SCFD2: variants seen among roughly 807,000 people sequenced by gnomAD.
SCFD2 encodes sec1 family domain containing 2.
In SCFD2, 54 loss-of-function variants were observed where a neutral mutation model predicts 58.9. The observed-to-expected ratio is 0.92, with a 90% CI of 0.74 to 1.15. The LOEUF (loss-of-function observed/expected upper bound fraction) is 1.15. SCFD2 is among the 50% of genes most tolerant of loss of function. SCFD2 has a pLI of 0.00. For synonymous variants in SCFD2, 321 were observed against 335.9 expected (o/e 0.96, Z 0.49); for missense variants, 805 against 836.6 (o/e 0.96, Z 0.47).
intron 2 of SCFD2, among the ~76,000 whole-genome samples, chr4:53,322,399 CT>C (rs1195373156): frequency 1.3e-5 from 2 of 152,130 alleles, no homozygotes; most frequent in African/African-American, 4.8e-5. Flanking sequence ...GAAAGTTACC[CT>C]ATATGGTCTA....
intron 4 of SCFD2, among the ~76,000 whole-genome samples, chr4:53,261,134 G>A (rs969626575): frequency 7.3e-5 from 11 of 151,718 alleles, no homozygotes; most frequent in African/African-American, 1.7e-4. Context: ...GGTTAATGTC[G>A]CTAATATTCT....
chr4:52,948,023 C>T (rs1720485623), intron 5 of SCFD2, among the ~76,000 whole-genome samples: 1 of 111,298 alleles, frequency 9.0e-6, no homozygotes, highest in South Asian at 2.9e-4. Flanking sequence ...ATGTGAATCA[C>T]AAAAAATCAC....
intron 2 of SCFD2, among the ~76,000 whole-genome samples, chr4:53,336,088 G>C (rs1466657187): frequency 3.9e-5 from 6 of 152,162 alleles, no homozygotes; most frequent in African/African-American, 1.4e-4. Context: ...AAAGCCCTTA[G>C]AGACTCTTAC....
chr4:52,906,916 A>G (rs1275382200), intron 7 of SCFD2, among the ~76,000 whole-genome samples: 1 of 152,136 alleles, frequency 6.6e-6, no homozygotes, highest in South Asian at 2.1e-4. Flanking sequence ...TCCTCCTTTC[A>G]TCCCCACTTC....
intron 4 of SCFD2, among the ~76,000 whole-genome samples, chr4:53,216,065 T>C (rs1577852716): frequency 1.3e-5 from 2 of 152,320 alleles, no homozygotes; most frequent in East Asian, 3.9e-4. Context: ...TTATTGAGGA[T>C]TTTTGCATCA....
chr4:53,245,256 T>C (rs1380739826), intron 4 of SCFD2, among the ~76,000 whole-genome samples: 1 of 151,882 alleles, frequency 6.6e-6, no homozygotes, highest in Non-Finnish European at 1.5e-5. Context: ...TCTCAGTCCA[T>C]GAGGCCCGAA....
chr4:53,157,919 A>C (rs1378659840), intron 4 of SCFD2, among the ~76,000 whole-genome samples: 1 of 152,224 alleles, frequency 6.6e-6, no homozygotes, highest in African/African-American at 2.4e-5. Flanking sequence ...CCTGGATCAG[A>C]GCTTCTCAAA....
chr4:53,202,975 G>A (rs1034247743), intron 4 of SCFD2, among the ~76,000 whole-genome samples: 12 of 152,194 alleles, frequency 7.9e-5, no homozygotes, highest in Non-Finnish European at 1.6e-4. Context: ...TCTGCAAACA[G>A]GGGCAATTTG....
intron 5 of SCFD2, among the ~76,000 whole-genome samples, chr4:52,973,274 A>G (rs1721158744): frequency 6.6e-6 from 1 of 152,206 alleles, no homozygotes; most frequent in South Asian, 2.1e-4. Context: ...ACCGCTAGCA[A>G]TACTAATAAA....
At chr4:53,025,386 C>T (rs1396021600) in intron 5 of SCFD2, among the ~76,000 whole-genome samples, 1 of 151,988 alleles carries the variant, frequency 6.6e-6, no homozygotes, top group Non-Finnish European at 1.5e-5. Context: ...TAATTGATGC[C>T]AAACAACATA....
chr4:53,156,220 G>A (rs1476189653), intron 4 of SCFD2, among the ~76,000 whole-genome samples: 1 of 151,758 alleles, frequency 6.6e-6, no homozygotes, highest in Non-Finnish European at 1.5e-5. Flanking sequence ...CCAATATGGT[G>A]AAACCCTGTC....
chr4:52,974,795 C>T (rs1721206705), intron 5 of SCFD2, among the ~76,000 whole-genome samples: 1 of 152,094 alleles, frequency 6.6e-6, no homozygotes, highest in Admixed American at 6.5e-5. Context: ...GTAACCAAAA[C>T]AGCATGGTAC....
intron 2 of SCFD2, among the ~76,000 whole-genome samples, chr4:53,324,528 T>C (rs1178214739): frequency 1.3e-5 from 2 of 151,266 alleles, no homozygotes; most frequent in African/African-American, 4.9e-5. Flanking sequence ...AGGCATGACA[T>C]GCCAGGCAGG....
intron 5 of SCFD2, among the ~76,000 whole-genome samples, chr4:53,057,532 C>T (rs1439915740): frequency 6.8e-6 from 1 of 147,662 alleles, no homozygotes; most frequent in African/African-American, 2.7e-5. Context: ...AGGGGAACAA[C>T]ACACACCACG....
chr4:52,905,830 C>T (rs1187337806), intron 7 of SCFD2, among the ~76,000 whole-genome samples: 1 of 152,172 alleles, frequency 6.6e-6, no homozygotes, highest in African/African-American at 2.4e-5. Flanking sequence ...TCAACAACAA[C>T]AACAAGTGAC....
Position 53,009,640 on chromosome 4 carries a change from T to C in SCFD2, c.1562-88770A>G, listed in dbSNP as rs377002164. 2.5e-4 allele frequency among the ~76,000 whole-genome samples: 38 copies of C among 152,312 alleles called. No homozygotes were observed. The East Asian group carries it at 6.6e-3, about 26-fold the overall frequency. On this transcript the variant is annotated intron_variant, in intron 5 of 8. Transcript: ENST00000401642. ...TAATTCTGAGACTTAGTGCTGACCT[T>C]ATATATAACCTCCATTTATAGACAC...
At chr4:53,234,958 T>A (rs1203011171) in intron 4 of SCFD2, among the ~76,000 whole-genome samples, 1 of 152,210 alleles carries the variant, frequency 6.6e-6, no homozygotes, top group East Asian at 1.9e-4. Flanking sequence ...TCCACCATCA[T>A]GAGATAACCG....
At chr4:53,187,601 C>T (rs893122495) in intron 4 of SCFD2, among the ~76,000 whole-genome samples, 4 of 152,048 alleles carry the variant, frequency 2.6e-5, no homozygotes, top group African/African-American at 9.7e-5. Context: ...CTTTACAAAA[C>T]TGACTGCTGT....
intron 4 of SCFD2, among the ~76,000 whole-genome samples, chr4:53,224,806 T>C (rs1729153350): frequency 6.6e-6 from 1 of 152,240 alleles, no homozygotes; most frequent in African/African-American, 2.4e-5. Context: ...AATTGTGATG[T>C]ATTTTCCAGT....
Sources: gnomAD v4.1 joint callset for allele counts (sites outside exome capture counted in the v4.1 genomes callset) on GRCh38, gnomAD v4.1.1 for gene constraint, MANE v1.5 for transcripts, NCBI Gene and HGNC (gene_info 2026-07-23, HGNC 2026-07-21) for gene names.